SLCO1C1: variants seen among roughly 807,000 people sequenced by gnomAD.
The protein encoded by SLCO1C1 is solute carrier organic anion transporter family member 1C1, also known as OAT-RP-5.
Under a neutral mutation model 76.4 loss-of-function variants are expected in SLCO1C1, and 70 were observed. That is an observed-to-expected ratio of 0.92 (90% CI 0.76 to 1.12). The LOEUF is 1.12. SLCO1C1 is among the 50% of genes most tolerant of loss of function. The pLI, the probability that SLCO1C1 is intolerant of heterozygous loss-of-function variation, is 0.00. For missense variants in SLCO1C1, 912 were observed against 823.8 expected (o/e 1.11, Z -1.31); for synonymous variants, 306 against 286.1 (o/e 1.07, Z -0.70).
At chr12:20,740,787 T>TTATTTATATATATATATATA (rs1948772313) in intron 12 of SLCO1C1, among the ~76,000 whole-genome samples, 2 of 75,058 alleles carry the variant, frequency 2.7e-5, no homozygotes, top group African/African-American at 1.1e-4. Flanking sequence ...TTTATTTTAT[T>TTATTTATATATATATATATA]TATATATATA....
At position 20,729,453 on chromosome 12, in the gene SLCO1C1, G is replaced by C. The variant is rs1435575176; in HGVS notation, c.1187-3456G>C. On this transcript the variant is annotated intron_variant, in intron 9 of 14. Transcript: ENST00000266509. ...ATTCAATTAGCCATTCTTCCTTTGA[G>C]GGTTTGGTTGGAGGGTGCGATACAT... is the stretch of plus-strand genomic sequence containing the variant. Among the ~76,000 whole-genome samples, 4 of 152,042 alleles carry C rather than the reference G, an allele frequency of 2.6e-5. No homozygotes were observed. The East Asian group carries it at 5.8e-4, about 22-fold the overall frequency.
intron 13 of SLCO1C1, among the ~76,000 whole-genome samples, chr12:20,747,237 T>C (rs921363884): frequency 6.6e-6 from 1 of 152,028 alleles, no homozygotes; most frequent in African/African-American, 2.4e-5. Flanking sequence ...CCAGCCTGGC[T>C]ACAACATAGC....
In SLCO1C1 at chr12:20,715,279, T is replaced by C. The variant is rs984901914; in HGVS notation, c.670T>C (p.Tyr224His). The C allele has an allele frequency of 5.6e-6, 9 of 1,613,712 alleles. No homozygotes were observed. Among genetic ancestry groups the C allele is most frequent in the Non-Finnish European group, 7.6e-6 (9 of 1,179,878 alleles). Residue 224 changes from tyrosine to histidine, a missense_variant, in exon 6 of 15, where the codon TAT becomes CAT. Physicochemically the swap from Tyr to His is moderately conservative, Grantham distance 83. Coordinates refer to ENST00000266509, the MANE Select transcript of SLCO1C1 (RefSeq NM_017435.5). ...TGCCAGTGAAGACAATGCAGCTTTC[T>C]ATATTGGTAATATTGGCATATTGCT... ...DFASEDNAAF[Y>H]IGCVQTVAII...
At chr12:20,747,160 C>G (rs568833780) in intron 13 of SLCO1C1, among the ~76,000 whole-genome samples, 173 of 152,282 alleles carry the variant, frequency 1.1e-3, no homozygotes, top group African/African-American at 4.0e-3. Context: ...CACATTTGCT[C>G]ATGCCTATAA....
At chr12:20,715,003 C>T in intron 5 of SLCO1C1, 136 bp from the exon 6 acceptor site, 1 of 1,055,722 alleles carries the variant, frequency 9.5e-7, no homozygotes, top group South Asian at 1.6e-5. Context: ...CTTGACCAAA[C>T]TCCCATCAAA....
chr12:20,711,672 T>C lies in SLCO1C1; in HGVS notation c.529+162T>C, dbSNP rs573249534. On this transcript the variant is annotated intron_variant, in intron 5 of 14. Coordinates refer to ENST00000266509, the MANE Select transcript of SLCO1C1 (RefSeq NM_017435.5). ...AAAATTCCTAGAATATAAAGCAGTA[T>C]ATGATTAGATCCTAAGAAAATATAC... 7.3e-5 allele frequency among the ~76,000 whole-genome samples: 11 copies of C among 151,554 alleles called. No homozygotes were observed. In the South Asian group the frequency reaches 2.3e-3, roughly 32 times the overall value.
chr12:20,749,580 A>T (rs1322155833), intron 13 of SLCO1C1, among the ~76,000 whole-genome samples: 2 of 152,238 alleles, frequency 1.3e-5, no homozygotes, highest in Non-Finnish European at 2.9e-5. Context: ...ACCAATTTAG[A>T]ACATATAAAA....
Position 20,715,184 on chromosome 12 carries a change from T to G in SLCO1C1, c.575T>G (p.Leu192Arg), listed in dbSNP as rs1484197499. 1 of 1,614,146 alleles carries G rather than the reference T, an allele frequency of 6.2e-7. No individual in the cohort carries two copies. Among genetic ancestry groups the G allele is most frequent in the Non-Finnish European group, 8.5e-7 (1 of 1,179,970 alleles). ...TSSSMWIYVF[L>R]GNLLRGIGET... ...TCTTCCATGTGGATTTATGTTTTCC[T>G]GGGCAATCTTCTTCGTGGAATAGGA... The change falls in exon 6 of 15, where the codon CTG (leucine) becomes CGG (arginine). Residue 192 changes from leucine to arginine, a missense_variant. Coordinates refer to ENST00000266509, the MANE Select transcript of SLCO1C1 (RefSeq NM_017435.5).
intron 10 of SLCO1C1, 128 bp from the exon 11 acceptor site, chr12:20,736,979 A>AGGCATTT (rs1308162073): frequency 5.2e-5 from 34 of 648,144 alleles, no homozygotes; most frequent in Non-Finnish European, 7.4e-5. Context: ...TCTGATGACA[A>AGGCATTT]CTGTGTTTCT....
Position 20,701,341 on chromosome 12 carries a change from T to G in SLCO1C1, c.153T>G (p.Phe51Leu), listed in dbSNP as rs1946516822. ...ELKVFLCALS[F>L]VYFAKALAEG... ...AGGTGTTCTTGTGTGCCTTGTCTTT[T>G]GTTTACTTTGCCAAAGCATTGGCAG... The change falls in exon 3 of 15, where the codon TTT becomes TTG. Residue 51 changes from phenylalanine to leucine, a missense_variant. By Grantham distance (22) the Phe-to-Leu change is conservative. Transcript: ENST00000266509. 6.5e-7 allele frequency: 1 copy of G among 1,538,198 alleles called. No individual in the cohort carries two copies. The highest frequency in any genetic ancestry group is 1.2e-5 in the South Asian group (1 of 81,894).
intron 9 of SLCO1C1, among the ~76,000 whole-genome samples, chr12:20,729,471 C>T (rs1016771961): frequency 5.3e-5 from 8 of 151,952 alleles, no homozygotes; most frequent in East Asian, 1.9e-4. Flanking sequence ...TTGGAGGGTG[C>T]GATACATAAA....
chr12:20,708,495 G>A (rs1946897976), intron 4 of SLCO1C1, among the ~76,000 whole-genome samples: 1 of 152,098 alleles, frequency 6.6e-6, no homozygotes, highest in Non-Finnish European at 1.5e-5. Flanking sequence ...AGTATGTGTG[G>A]TGGGTTGGGG....
At chr12:20,732,810 A>T in intron 9 of SLCO1C1, 99 bp from the exon 10 acceptor site, 1 of 1,237,616 alleles carries the variant, frequency 8.1e-7, no homozygotes, top group Non-Finnish European at 1.1e-6. Flanking sequence ...GACTATTTCT[A>T]TAATTTAAAG....
chr12:20,708,516 T>C (rs1946900029), intron 4 of SLCO1C1, among the ~76,000 whole-genome samples: 1 of 151,964 alleles, frequency 6.6e-6, no homozygotes, highest in Admixed American at 6.6e-5. Context: ...GTGGTTGCAG[T>C]ATCAAGTAGG....
intron 13 of SLCO1C1, among the ~76,000 whole-genome samples, chr12:20,748,816 C>T (rs111897347): frequency 8.5e-5 from 13 of 152,144 alleles, no homozygotes; most frequent in Non-Finnish European, 1.2e-4. Context: ...ATACTACACA[C>T]GTGATTTGCA....
chr12:20,710,423 G>C (rs1947031012), intron 4 of SLCO1C1, among the ~76,000 whole-genome samples: 1 of 151,868 alleles, frequency 6.6e-6, no homozygotes, highest in Admixed American at 6.6e-5. Flanking sequence ...TGAATAAAAT[G>C]AGAATCAAGA....
intron 5 of SLCO1C1, among the ~76,000 whole-genome samples, chr12:20,713,733 C>T (rs2120695082): frequency 6.6e-6 from 1 of 152,326 alleles, no homozygotes; most frequent in South Asian, 2.1e-4. Flanking sequence ...TATATCTTTG[C>T]TGTCCAATAC....
Position 20,737,087 on chromosome 12 carries a change from A to G in SLCO1C1, c.1383-20A>G. On this transcript the variant is annotated intron_variant, in intron 10 of 14. Transcript: ENST00000266509. ...TACCTGCTAAGAGGTAATATTTTAT[A>G]TTGTTATATTTCTTTTCAGAACCAA... 1 of 1,475,994 alleles carries G rather than the reference A, an allele frequency of 6.8e-7. No individual in the cohort carries two copies. The highest frequency in any genetic ancestry group is 8.9e-7 in the Non-Finnish European group (1 of 1,118,246). 91.4% of individuals were successfully genotyped at this position (1,475,994 alleles called of 1,614,324 possible). A position where few individuals can be genotyped will look rare whatever the true frequency, so the allele number is the denominator to read the frequency against.
At chr12:20,698,465 C>T (rs767934108) in intron 1 of SLCO1C1, among the ~76,000 whole-genome samples, 23 of 151,896 alleles carry the variant, frequency 1.5e-4, no homozygotes, top group Non-Finnish European at 2.9e-4. Context: ...ATTATTAATA[C>T]AAAGCAAATC....
Sources: gnomAD v4.1 joint callset for allele counts (sites outside exome capture counted in the v4.1 genomes callset) on GRCh38, gnomAD v4.1.1 for gene constraint, MANE v1.5 for transcripts, NCBI Gene and HGNC (gene_info 2026-07-23, HGNC 2026-07-21) for gene names.